The following SBNO1 variants were observed in gnomAD, a reference collection of about 807,000 sequenced individuals.
The protein encoded by SBNO1 is strawberry notch homolog 1, also known as protein strawberry notch homolog 1.
Under a neutral mutation model 173.6 loss-of-function variants are expected in SBNO1, and 23 were observed. The observed-to-expected ratio is 0.13, with a 90% CI of 0.10 to 0.19. The LOEUF is 0.19. Among genes scored for constraint, SBNO1 ranks in the 10% least tolerant of loss-of-function variants. The pLI, the probability that SBNO1 is intolerant of heterozygous loss-of-function variation, is 1.00. For missense variants in SBNO1, 1,238 were observed against 1,671.2 expected, an observed-to-expected ratio of 0.74 and a Z score of 4.52; for synonymous variants, 632 against 571.5, an observed-to-expected ratio of 1.11 and a Z score of -1.51.
At chr12:123,312,032 G>A (rs376790811) in intron 24 of SBNO1, among the ~76,000 whole-genome samples, 15 of 151,794 alleles carry the variant, frequency 9.9e-5, no homozygotes, top group African/African-American at 2.7e-4. Flanking sequence ...GAGCCACTGC[G>A]CCTAGCCATA....
Position 123,296,066 on chromosome 12 carries a change from A to G in SBNO1, c.4040-16T>C. On this transcript the variant is annotated splice_polypyrimidine_tract_variant and intron_variant, in intron 31 of 31. Coordinates refer to ENST00000602398, the MANE Select transcript of SBNO1 (RefSeq NM_001167856.3). ...ATGATCAAACCTGTAATTAGTAACAAGAATTTATCAAGTTGTGTCCAGAAG... is the reference window on the plus strand; with the variant it reads ...ATGATCAAACCTGTAATTAGTAACAGGAATTTATCAAGTTGTGTCCAGAAG... The G allele has an allele frequency of 6.4e-7, 1 of 1,567,556 alleles. No individual in the cohort carries two copies.
At chr12:123,360,807 T>A (rs1023068329) in intron 1 of SBNO1, among the ~76,000 whole-genome samples, 1 of 152,094 alleles carries the variant, frequency 6.6e-6, no homozygotes, top group African/African-American at 2.4e-5. Flanking sequence ...AACAGTACTT[T>A]CAGTAAGGCA....
At chr12:123,355,513 A>T (rs879654652) in intron 1 of SBNO1, among the ~76,000 whole-genome samples, 4 of 152,090 alleles carry the variant, frequency 2.6e-5, no homozygotes, top group Non-Finnish European at 4.4e-5. Flanking sequence ...CTGAGGCAGG[A>T]GAATCGCGTG....
chr12:123,309,453 G>C, intron 27 of SBNO1, 36 bp downstream of exon 27: 1 of 1,598,092 alleles, frequency 6.3e-7, no homozygotes, highest in South Asian at 1.1e-5. Flanking sequence ...TGCATCTCAT[G>C]GGAAGACGAT....
At chr12:123,337,888 AG>A (rs1260312842) in intron 5 of SBNO1, among the ~76,000 whole-genome samples, 1 of 152,160 alleles carries the variant, frequency 6.6e-6, no homozygotes, top group Non-Finnish European at 1.5e-5. Context: ...TCCTACCTAT[AG>A]TTTTTTAAAA....
Position 123,316,698 on chromosome 12 carries a change from TTCTTC to T in SBNO1, c.2935+518_2935+522del, listed in dbSNP as rs1394185830. Among the ~76,000 whole-genome samples, 3 of 96,802 alleles carry T rather than the reference TTCTTC, an allele frequency of 3.1e-5. No individual in the cohort carries two copies. In the East Asian group the frequency reaches 2.4e-3, roughly 79 times the overall value. 63.5% of individuals were successfully genotyped at this position (96,802 alleles called of 152,430 possible). A position where few individuals can be genotyped will look rare whatever the true frequency, so the allele number is the denominator to read the frequency against. Reference sequence around the variant, plus strand: ...CCACACCCAGCAAGTTTTTCTTTTCTTCTTCTTTTTTTTTTTTTTTTTGAGATGGA... The same window carrying T: ...CCACACCCAGCAAGTTTTTCTTTTCTTTTTTTTTTTTTTTTTTGAGATGGA... On this transcript the variant is annotated intron_variant, in intron 21 of 31. Coordinates refer to ENST00000602398, the MANE Select transcript of SBNO1 (RefSeq NM_001167856.3).
intron 19 of SBNO1, 126 bp from the exon 20 acceptor site, chr12:123,320,157 T>C (rs112759228): frequency 9.3e-7 from 1 of 1,077,544 alleles, no homozygotes; most frequent in Non-Finnish European, 1.3e-6. Context: ...CACTGAAGGA[T>C]ACAGAACACT....
intron 8 of SBNO1, 29 bp downstream of exon 8, chr12:123,331,213 T>C: frequency 3.1e-6 from 5 of 1,608,902 alleles, no homozygotes; most frequent in African/African-American, 1.3e-5. Context: ...CCGCTGCGCC[T>C]GGCCCACAGC....
At chr12:123,313,572 T>C (rs778592989) in intron 24 of SBNO1, 48 bp downstream of exon 24, 1 of 1,003,308 alleles carries the variant, frequency 1.0e-6, no homozygotes, top group South Asian at 1.4e-5. Flanking sequence ...TTTGAGTACA[T>C]CTTTGTCAAT....
At chr12:123,364,508 G>T in intron 1 of SBNO1, 193 bp downstream of exon 1, 2 of 983,810 alleles carry the variant, frequency 2.0e-6, no homozygotes, top group Non-Finnish European at 2.4e-6. Flanking sequence ...CAACGGAGCC[G>T]CCGTCGGGAA....
chr12:123,334,340 C>A (rs2139015588), intron 6 of SBNO1, 127 bp from the exon 7 acceptor site: 1 of 631,826 alleles, frequency 1.6e-6, no homozygotes, highest in African/African-American at 1.9e-5. Flanking sequence ...TCACTCTGAG[C>A]TTCCATAAAA....
At chr12:123,364,017 T>TC (rs1472756938) in intron 1 of SBNO1, 8 of 985,208 alleles carry the variant, frequency 8.1e-6, no homozygotes, top group Non-Finnish European at 9.6e-6. Context: ...AGTAAGCAAA[T>TC]CCCCAACTGC....
chr12:123,344,721 C>A (rs538505434), intron 4 of SBNO1, among the ~76,000 whole-genome samples: 64 of 152,198 alleles, frequency 4.2e-4, no homozygotes, highest in Non-Finnish European at 6.0e-4. Flanking sequence ...TGGTGGCAAG[C>A]ACCTCTAATT....
chr12:123,329,871 A>G (rs894204630), intron 9 of SBNO1, among the ~76,000 whole-genome samples: 4 of 152,242 alleles, frequency 2.6e-5, no homozygotes, highest in African/African-American at 7.2e-5. Flanking sequence ...GTAAGTCAAT[A>G]AAGATTTGCT....
intron 1 of SBNO1, among the ~76,000 whole-genome samples, chr12:123,357,820 C>T (rs1258670651): frequency 6.6e-6 from 1 of 152,188 alleles, no homozygotes; most frequent in Non-Finnish European, 1.5e-5. Flanking sequence ...CTTCATAGGA[C>T]CTTGCTTGGT....
In SBNO1 at chr12:123,364,743, G is replaced by C; in HGVS notation, c.-43C>G. On this transcript the variant is annotated 5_prime_UTR_variant, in exon 1 of 32. Transcript: ENST00000602398. The stretch of plus-strand genomic sequence containing the variant: ...GCGCCAGCACAGCTCCTCCCGGGAG[G>C]TGTGAGTTTGAAGGACCAGAGGCGA... The C allele has an allele frequency of 2.0e-6, 2 of 987,854 alleles. No individual in the cohort carries two copies. The highest frequency in any genetic ancestry group is 2.4e-6 in the Non-Finnish European group (2 of 831,288). 61.2% of individuals were successfully genotyped at this position (987,854 alleles called of 1,614,324 possible).
Position 123,302,886 on chromosome 12 carries a change from A to T in SBNO1, c.3783T>A (p.Asp1261Glu). The change falls in exon 30 of 32, where the codon GAT becomes GAA. Residue 1261 changes from aspartate (D) to glutamate (E), a missense_variant. Physicochemically the swap from Asp to Glu is conservative, Grantham distance 45 (BLOSUM62 2). Around this residue, in one of 14 missense-constraint regions of SBNO1, gnomAD observed 351 missense variants for 420.3 expected, o/e 0.84. Coordinates refer to ENST00000602398, the MANE Select transcript of SBNO1 (RefSeq NM_001167856.3). Reference protein sequence around the residue: ...KKKYKKVVSDDALMHWLDQYN... With the variant: ...KKKYKKVVSDEALMHWLDQYN... ...ACTGATCTAACCAGTGCATCAGGGC[A>T]TCATCTGAGACGACCTGTAAAAATG... is the stretch of plus-strand genomic sequence containing the variant. The T allele has an allele frequency of 6.2e-7, 1 of 1,612,468 alleles. No homozygotes were observed. The highest frequency in any genetic ancestry group is 8.5e-7 in the Non-Finnish European group (1 of 1,178,490).
chr12:123,335,109 T>C (rs1367109124), intron 6 of SBNO1, among the ~76,000 whole-genome samples: 3 of 152,206 alleles, frequency 2.0e-5, no homozygotes, highest in South Asian at 2.1e-4. Flanking sequence ...GAGGATTGCT[T>C]GAGCCTTGTA....
chr12:123,362,429 C>A (rs1275168883), intron 1 of SBNO1, among the ~76,000 whole-genome samples: 2 of 87,138 alleles, frequency 2.3e-5, no homozygotes, highest in Non-Finnish European at 4.0e-5. Flanking sequence ...GAGCGAGACT[C>A]CGTCTCAAAA....
Sources: gnomAD v4.1 joint callset for allele counts (sites outside exome capture counted in the v4.1 genomes callset) on GRCh38, gnomAD v4.1.1 for gene constraint, gnomAD v4.1.1 regional missense constraint, MANE v1.5 for transcripts, NCBI Gene and HGNC (gene_info 2026-07-23, HGNC 2026-07-21) for gene names.